SAMSN1: variants seen among roughly 807,000 people sequenced by gnomAD.
SAMSN1 encodes SAM domain, SH3 domain and nuclear localization signals 1, also known as SAM domain-containing protein SAMSN-1.
SAMSN1 carries 31 observed loss-of-function variants against 42.0 expected under a neutral mutation model. The ratio of observed to expected loss-of-function variants is 0.74; its 90% confidence interval spans 0.55 to 1.00. SAMSN1 has a LOEUF of 1.00. Among genes scored for constraint, SAMSN1 ranks in the 50% least tolerant of loss-of-function variants. The probability of loss-of-function intolerance (pLI) is 0.00; values close to 1 mark genes in which losing one functional copy is unlikely to be tolerated. For synonymous variants in SAMSN1, 178 were observed against 151.9 expected (o/e 1.17, Z -1.26); for missense variants, 464 against 439.4 (o/e 1.06, Z -0.50).
exon 6 of SAMSN1, chr21:14,602,084 T>A: frequency 1.5e-6 from 1 of 685,272 alleles, no homozygotes; most frequent in Non-Finnish European, 2.7e-6. Context: ...ACTTAGAAAA[T>A]CATCTTCATT....
intron 5 of SAMSN1, among the ~76,000 whole-genome samples, chr21:14,607,473 A>C (rs1351729787): frequency 6.6e-6 from 1 of 152,190 alleles, no homozygotes; most frequent in East Asian, 1.9e-4. Context: ...GCATGGCATT[A>C]ATTTCTAGGA....
chr21:14,527,827 C>T (rs1240725544), intron 1 of SAMSN1, among the ~76,000 whole-genome samples: 2 of 149,528 alleles, frequency 1.3e-5, no homozygotes, highest in Admixed American at 6.7e-5. Flanking sequence ...TTCATACCAG[C>T]TTATTTTATG....
intron 2 of SAMSN1, among the ~76,000 whole-genome samples, chr21:14,632,170 C>A (rs1388922378): frequency 6.6e-6 from 1 of 151,730 alleles, no homozygotes; most frequent in East Asian, 1.9e-4. Flanking sequence ...GTGGTAGTAG[C>A]TGCTTGATTT....
chr21:14,641,509 TTGAG>T (rs1334623630), intron 2 of SAMSN1, among the ~76,000 whole-genome samples: 1 of 152,190 alleles, frequency 6.6e-6, no homozygotes, highest in Non-Finnish European at 1.5e-5. Context: ...CATCCTCTCT[TTGAG>T]TGGGCAAGTT....
chr21:14,498,245 T>C (rs553011293), intron 7 of SAMSN1, among the ~76,000 whole-genome samples, 197 bp downstream of exon 7: 1 of 152,358 alleles, frequency 6.6e-6, no homozygotes, highest in African/African-American at 2.4e-5. Context: ...CTGAGTCCAA[T>C]AAGGAAATAA....
chr21:14,643,658 A>G (rs1424886888), intron 1 of SAMSN1, among the ~76,000 whole-genome samples: 1 of 152,190 alleles, frequency 6.6e-6, no homozygotes, highest in Non-Finnish European at 1.5e-5. Context: ...CACAATAAGG[A>G]CACCAAGTTA....
At chr21:14,525,499 A>G (rs1175093741) in intron 1 of SAMSN1, among the ~76,000 whole-genome samples, 3 of 152,230 alleles carry the variant, frequency 2.0e-5, no homozygotes, top group African/African-American at 7.2e-5. Context: ...CATATTATCC[A>G]AGTATAATCC....
chr21:14,638,405 A>G (rs1271664271), intron 2 of SAMSN1, among the ~76,000 whole-genome samples: 1 of 152,156 alleles, frequency 6.6e-6, no homozygotes, highest in Non-Finnish European at 1.5e-5. Flanking sequence ...TCAAGTACTC[A>G]ATTGCCACCT....
chr21:14,634,295 A>G (rs1301220743), intron 2 of SAMSN1, among the ~76,000 whole-genome samples: 1 of 152,178 alleles, frequency 6.6e-6, no homozygotes, highest in Non-Finnish European at 1.5e-5. Flanking sequence ...CAATTGCAAC[A>G]AAAGCTAAAA....
chr21:14,590,074 CTG>C (rs1982034626), intron 7 of SAMSN1, among the ~76,000 whole-genome samples: 3 of 152,180 alleles, frequency 2.0e-5, no homozygotes, highest in Admixed American at 1.3e-4. Flanking sequence ...ATTATTAAAA[CTG>C]TGCCAGTGTA....
chr21:14,563,014 A>G (rs1175005186), intron 2 of SAMSN1, among the ~76,000 whole-genome samples: 3 of 152,318 alleles, frequency 2.0e-5, no homozygotes, highest in African/African-American at 7.2e-5. Flanking sequence ...TTATAAATGC[A>G]GAAAAATTGA....
At chr21:14,647,389 C>G (rs1005816248) in intron 1 of SAMSN1, among the ~76,000 whole-genome samples, 6 of 147,162 alleles carry the variant, frequency 4.1e-5, no homozygotes, top group Non-Finnish European at 9.1e-5. Context: ...GTTACTGCAG[C>G]CTTGTAGTAT....
At chr21:14,553,456 T>G (rs1319615496) in intron 2 of SAMSN1, among the ~76,000 whole-genome samples, 3 of 152,156 alleles carry the variant, frequency 2.0e-5, no homozygotes. Context: ...ACTTTAGATG[T>G]TTTTTCTGTT....
chr21:14,591,930 T>C (rs1982097944), intron 7 of SAMSN1: 1 of 152,134 alleles, frequency 6.6e-6, no homozygotes. Flanking sequence ...CAATTTTCCA[T>C]AGTATAATGA....
chr21:14,546,150 T>C, intron 1 of SAMSN1, 55 bp downstream of exon 1: 1 of 1,477,848 alleles, frequency 6.8e-7, no homozygotes, highest in Non-Finnish European at 9.4e-7. Context: ...CACATATGTG[T>C]TTATTTTCTA....
chr21:14,547,616 C>CA (rs1980457770), upstream of SAMSN1, among the ~76,000 whole-genome samples: 1 of 152,108 alleles, frequency 6.6e-6, no homozygotes, highest in South Asian at 2.1e-4. Flanking sequence ...TATTCTTAAT[C>CA]AGCAGCTTTT....
chr21:14,545,499 G>A (rs1600920818), intron 1 of SAMSN1, among the ~76,000 whole-genome samples: 1 of 151,730 alleles, frequency 6.6e-6, no homozygotes, highest in East Asian at 1.9e-4. Context: ...TAAATCTAGA[G>A]TTCTACAATA....
Position 14,618,682 on chromosome 21 carries a change from GTGTGTGTGTGCGCGCGCGCGCA to G in SAMSN1, c.157-2688_157-2667del, listed in dbSNP as rs1343944774. Among the ~76,000 whole-genome samples the G allele has an allele frequency of 5.1e-5, 4 of 77,878 alleles. No individual in the cohort carries two copies. The East Asian group carries it at 1.5e-3, about 29-fold the overall frequency. The allele number at this position is 77,878 out of a possible 152,430, so 51.1% of individuals were successfully genotyped here. A position where few individuals can be genotyped will look rare whatever the true frequency, so the allele number is the denominator to read the frequency against. ...TGTGTGTGTGTGTGTGTGTGTGTGT[GTGTGTGTGTGCGCGCGCGCGCA>G]CGCGCGTGTGTGTGTGTGTGTGTTC... is the stretch of plus-strand genomic sequence containing the variant. On this transcript the variant is annotated intron_variant, in intron 2 of 15. Transcript: ENST00000647101.
At chr21:14,623,227 A>C (rs1600970079) in intron 2 of SAMSN1, among the ~76,000 whole-genome samples, 1 of 152,196 alleles carries the variant, frequency 6.6e-6, no homozygotes, top group Non-Finnish European at 1.5e-5. Context: ...AGAAAAATAA[A>C]CAGCTAACAT....
Sources: gnomAD v4.1 joint callset for allele counts (sites outside exome capture counted in the v4.1 genomes callset) on GRCh38, gnomAD v4.1.1 for gene constraint, MANE v1.5 for transcripts, NCBI Gene and HGNC (gene_info 2026-07-23, HGNC 2026-07-21) for gene names.